PPP1R16B: variants seen among roughly 807,000 people sequenced by gnomAD.
PPP1R16B encodes protein phosphatase 1 regulatory inhibitor subunit 16B.
A neutral mutation model predicts 61.7 loss-of-function variants in PPP1R16B; 14 were observed. That is an observed-to-expected ratio of 0.23 (90% confidence interval 0.15 to 0.35). PPP1R16B has a LOEUF of 0.35. Ranked by LOEUF, PPP1R16B falls within the 10% of genes least tolerant of loss-of-function variation. The pLI is 1.00. For synonymous variants in PPP1R16B, 266 were observed against 305.3 expected, an observed-to-expected ratio of 0.87 and a Z score of 1.34; for missense variants, 547 against 752.5, an observed-to-expected ratio of 0.73 and a Z score of 3.19.
At chr20:38,889,936 G>A (rs1284085072) in intron 3 of PPP1R16B, among the ~76,000 whole-genome samples, 1 of 152,250 alleles carries the variant, frequency 6.6e-6, no homozygotes, top group Non-Finnish European at 1.5e-5. Context: ...CATCCCTCCT[G>A]CCCATGAAAG....
chr20:38,877,373 G>A (rs1226926401), intron 2 of PPP1R16B, among the ~76,000 whole-genome samples: 1 of 150,964 alleles, frequency 6.6e-6, no homozygotes, highest in Non-Finnish European at 1.5e-5. Flanking sequence ...GCAATGGTGC[G>A]ACCTCGGCCC....
chr20:38,870,678 G>T (rs1743995558), intron 2 of PPP1R16B, among the ~76,000 whole-genome samples: 1 of 152,150 alleles, frequency 6.6e-6, no homozygotes, highest in South Asian at 2.1e-4. Flanking sequence ...TGCTCCTGCT[G>T]GCTGATGGCC....
chr20:38,900,698 G>T lies in PPP1R16B; in HGVS notation c.571+14G>T. The T allele has an allele frequency of 1.3e-6, 2 of 1,559,684 alleles. No individual in the cohort carries two copies. The highest frequency in any genetic ancestry group is 1.7e-6 in the Non-Finnish European group (2 of 1,155,532). Reference sequence around the variant, plus strand: ...TGGCATACCAGGGTAAGGGAGGGCAGCCTGCTATGAAGTGAGCACAGCACA... The same window carrying T: ...TGGCATACCAGGGTAAGGGAGGGCATCCTGCTATGAAGTGAGCACAGCACA... On this transcript the variant is annotated intron_variant, in intron 5 of 10. Coordinates refer to ENST00000299824, the MANE Select transcript of PPP1R16B (RefSeq NM_015568.4).
intron 10 of PPP1R16B, among the ~76,000 whole-genome samples, chr20:38,910,385 T>C (rs755888263): frequency 2.6e-5 from 4 of 152,174 alleles, no homozygotes; most frequent in African/African-American, 4.8e-5. Flanking sequence ...CTCCGTCCTT[T>C]CCCCCACTCC....
In PPP1R16B at chr20:38,806,562, G is replaced by A. The variant is rs1272567027; in HGVS notation, c.-102+770G>A. Among the ~76,000 whole-genome samples, 2 of 152,128 alleles carry A rather than the reference G, an allele frequency of 1.3e-5. No homozygotes were observed. The highest frequency in any genetic ancestry group is 3.9e-4 in the East Asian group (2 of 5,154). On this transcript the variant is annotated intron_variant, in intron 1 of 10. Transcript: ENST00000299824. The surrounding 1 kb of genome is among the most constrained non-coding windows in gnomAD (Gnocchi z 4.5). ...CCGGGCGCCGAGGATGGGCGGAGAC[G>A]TGCAGCCGCCCCTGAGAGGTCGCCC...
chr20:38,888,740 G>A (rs73114257), intron 2 of PPP1R16B, among the ~76,000 whole-genome samples: 29,574 of 151,872 alleles, frequency 0.19, 3,042 homozygotes, highest in East Asian at 0.33. Flanking sequence ...GGGGAGAATT[G>A]GGGCTTGAAT....
chr20:38,809,909 A>G (rs2145700738), intron 1 of PPP1R16B, among the ~76,000 whole-genome samples: 1 of 145,446 alleles, frequency 6.9e-6, no homozygotes, highest in South Asian at 2.4e-4. Context: ...TGAACGGGGG[A>G]AGTGGAGGCT....
intron 4 of PPP1R16B, among the ~76,000 whole-genome samples, chr20:38,896,239 T>A: frequency 7.8e-6 from 1 of 128,724 alleles, no homozygotes; most frequent in Admixed American, 8.6e-5. Flanking sequence ...CCTACCTGCC[T>A]CCCTCCCTCT....
chr20:38,810,772 T>G (rs575438587), intron 1 of PPP1R16B, among the ~76,000 whole-genome samples: 2 of 152,256 alleles, frequency 1.3e-5, no homozygotes, highest in African/African-American at 4.8e-5. Flanking sequence ...TATCCCCCAC[T>G]GCACAGAGGG....
intron 2 of PPP1R16B, among the ~76,000 whole-genome samples, chr20:38,889,363 G>C (rs1490447035): frequency 6.6e-6 from 1 of 152,198 alleles, no homozygotes; most frequent in Non-Finnish European, 1.5e-5. Context: ...TCAGTGCCTG[G>C]CATCCGGGAA....
chr20:38,897,878 C>T lies in PPP1R16B; in HGVS notation c.467+2168C>T, dbSNP rs540527441. On this transcript the variant is annotated intron_variant, in intron 4 of 10. Transcript: ENST00000299824. ...GACGTTGAGCATCTTTTCATGTGCC[C>T]GTTGTCCATCTGTATGTCTTCTTTG... 8.3e-4 allele frequency among the ~76,000 whole-genome samples: 127 copies of T among 152,244 alleles called. 1 individual carries two copies. Among genetic ancestry groups the T allele is most frequent in the African/African-American group, 3.0e-3 (123 of 41,538 alleles).
rs1386027783 is a variant in PPP1R16B at position 38,922,290 on chromosome 20, G to A, written c.*3624G>A. The A allele has an allele frequency of 6.5e-6, 1 of 152,716 alleles. No homozygotes were observed. The highest frequency in any genetic ancestry group is 1.9e-4 in the East Asian group (1 of 5,206). The allele number at this position is 152,716 out of a possible 1,614,324, so 9.5% of individuals were successfully genotyped here. On this transcript the variant is annotated 3_prime_UTR_variant, in exon 11 of 11. Coordinates refer to ENST00000299824, the MANE Select transcript of PPP1R16B (RefSeq NM_015568.4). ...GGCTTTGTAATAACATAAGACCATT[G>A]TGGTTGTTGGTGTCAGATACCTTCC...
At chr20:38,852,265 A>C (rs1240834978) in intron 2 of PPP1R16B, among the ~76,000 whole-genome samples, 1 of 152,194 alleles carries the variant, frequency 6.6e-6, no homozygotes, top group Non-Finnish European at 1.5e-5. Context: ...GATTATGTAC[A>C]ACCTTCTGAT....
At chr20:38,814,975 C>T (rs540857361) in intron 1 of PPP1R16B, among the ~76,000 whole-genome samples, 124 of 152,236 alleles carry the variant, frequency 8.1e-4, no homozygotes, top group Admixed American at 1.4e-3. Context: ...GGAAATGTTG[C>T]CTTATAAACA....
intron 2 of PPP1R16B, among the ~76,000 whole-genome samples, chr20:38,837,500 A>T (rs1234102614): frequency 6.6e-6 from 1 of 151,928 alleles, no homozygotes; most frequent in African/African-American, 2.4e-5. Context: ...AAACATGTAT[A>T]CACATTCATA....
chr20:38,894,822 G>A, intron 3 of PPP1R16B, among the ~76,000 whole-genome samples: 1 of 152,190 alleles, frequency 6.6e-6, no homozygotes, highest in Non-Finnish European at 1.5e-5. Flanking sequence ...GGCCACCTGT[G>A]TTGGAGCCTG....
At chr20:38,866,206 G>A (rs953065147) in intron 2 of PPP1R16B, among the ~76,000 whole-genome samples, 11 of 152,142 alleles carry the variant, frequency 7.2e-5, no homozygotes, top group Non-Finnish European at 1.2e-4. Flanking sequence ...TCAGAGGAAG[G>A]AAAATCACTT....
chr20:38,913,274 A>AT (rs1053732454), intron 10 of PPP1R16B, among the ~76,000 whole-genome samples: 5 of 150,332 alleles, frequency 3.3e-5, no homozygotes, highest in African/African-American at 9.8e-5. Context: ...TTTTTTTTTA[A>AT]TTTTTTTTAG....
chr20:38,868,640 C>G (rs1467474530), intron 2 of PPP1R16B, among the ~76,000 whole-genome samples: 1 of 152,194 alleles, frequency 6.6e-6, no homozygotes, highest in Non-Finnish European at 1.5e-5. Context: ...GCCTCAGCCT[C>G]CCAAATGGTA....
Sources: gnomAD v4.1 joint callset for allele counts (sites outside exome capture counted in the v4.1 genomes callset) on GRCh38, gnomAD v4.1.1 for gene constraint, Gnocchi (gnomAD v3.1) non-coding constraint, MANE v1.5 for transcripts, NCBI Gene and HGNC (gene_info 2026-07-23, HGNC 2026-07-21) for gene names.